Variants in SNUPN observed in about 807,000 individuals in gnomAD.
SNUPN encodes the protein snurportin-1.
In SNUPN, 31 loss-of-function variants were observed where a neutral mutation model predicts 39.2. The observed-to-expected ratio is 0.79, with a 90% confidence interval of 0.59 to 1.07. The LOEUF is 1.07. Among genes scored for constraint, SNUPN ranks in the 50% least tolerant of loss-of-function variants. The pLI is 0.00. For synonymous variants in SNUPN, 132 were observed against 159.0 expected, an observed-to-expected ratio of 0.83 and a Z score of 1.28; for missense variants, 382 against 434.2, an observed-to-expected ratio of 0.88 and a Z score of 1.07.
intron 3 of SNUPN, among the ~76,000 whole-genome samples, chr15:75,611,590 C>T (rs971148215): frequency 1.3e-5 from 2 of 151,750 alleles, no homozygotes; most frequent in South Asian, 2.1e-4. Flanking sequence ...GGAACGGTGG[C>T]TCACGCCTAT....
intron 3 of SNUPN, among the ~76,000 whole-genome samples, chr15:75,615,545 C>CTTCTCTGA (rs1892901106): frequency 6.6e-6 from 1 of 151,524 alleles, no homozygotes; most frequent in Non-Finnish European, 1.5e-5. Context: ...TTCATTAACC[C>CTTCTCTGA]TTCTCTGATT....
intron 7 of SNUPN, among the ~76,000 whole-genome samples, chr15:75,603,692 TG>T (rs1460188113): frequency 6.7e-6 from 1 of 148,708 alleles, no homozygotes; most frequent in Admixed American, 6.7e-5. Flanking sequence ...GCTCTCCAGC[TG>T]ATTTTAACAT....
At chr15:75,622,438 C>T (rs2141380300) in intron 1 of SNUPN, 1 of 985,360 alleles carries the variant, frequency 1.0e-6, no homozygotes, top group Non-Finnish European at 1.2e-6. Flanking sequence ...GGAAACAAGA[C>T]AGGCATGGAG....
chr15:75,623,996 C>T (rs1595990920), intron 1 of SNUPN, among the ~76,000 whole-genome samples: 1 of 140,712 alleles, frequency 7.1e-6, no homozygotes, highest in Non-Finnish European at 1.5e-5. Context: ...GGCGGGATCT[C>T]GGCTCACTGC....
rs1892979732 is a variant in SNUPN, at chr15:75,618,048, G to A, written c.159-496C>T. On this transcript the variant is annotated intron_variant, in intron 2 of 8. Transcript: ENST00000308588. ...CCGCCCCCTCAAAATCCTAAATAGC[G>A]AAACCCCCTCTGAATACACTCAGCC... Among the ~76,000 whole-genome samples, 4 of 152,068 alleles carry A rather than the reference G, an allele frequency of 2.6e-5. No individual in the cohort carries two copies. The South Asian group carries it at 8.3e-4, about 31-fold the overall frequency.
At chr15:75,611,863 CTT>C (rs1025912529) in intron 3 of SNUPN, among the ~76,000 whole-genome samples, 7 of 151,068 alleles carry the variant, frequency 4.6e-5, no homozygotes, top group Non-Finnish European at 7.4e-5. Flanking sequence ...CAAAAAAAAA[CTT>C]TTTGTCACTC....
chr15:75,609,088 G>A (rs930568194), intron 5 of SNUPN, among the ~76,000 whole-genome samples: 2 of 147,422 alleles, frequency 1.4e-5, no homozygotes, highest in Non-Finnish European at 3.0e-5. Context: ...CCAATATGGT[G>A]CCACTGCACT....
At chr15:75,600,370 G>A (rs985932558) in intron 8 of SNUPN, among the ~76,000 whole-genome samples, 3 of 151,838 alleles carry the variant, frequency 2.0e-5, no homozygotes, top group Non-Finnish European at 2.9e-5. Flanking sequence ...TGCCTCCCAA[G>A]TTCAAGTGAT....
At chr15:75,621,149 C>A in intron 1 of SNUPN, 93 bp from the exon 2 acceptor site, 1 of 1,276,680 alleles carries the variant, frequency 7.8e-7, no homozygotes, top group South Asian at 1.4e-5. Context: ...GGCCACATTC[C>A]TGAAAAAAAA....
intron 5 of SNUPN, among the ~76,000 whole-genome samples, chr15:75,607,895 G>A (rs1209077548): frequency 1.3e-5 from 2 of 152,186 alleles, no homozygotes; most frequent in African/African-American, 4.8e-5. Flanking sequence ...AAACAACAGG[G>A]CAGAGGGGAG....
chr15:75,601,766 C>G, intron 7 of SNUPN, among the ~76,000 whole-genome samples: 1 of 152,030 alleles, frequency 6.6e-6, no homozygotes, highest in East Asian at 1.9e-4. Context: ...CCAAACCAAA[C>G]TAAACCAAGC....
At chr15:75,618,710 C>T (rs1325088363) in intron 2 of SNUPN, among the ~76,000 whole-genome samples, 2 of 151,998 alleles carry the variant, frequency 1.3e-5, no homozygotes, top group Admixed American at 6.6e-5. Context: ...AGGCACACAC[C>T]AGAGAGAACA....
At chr15:75,619,284 G>T (rs1031133131) in intron 2 of SNUPN, among the ~76,000 whole-genome samples, 1 of 147,794 alleles carries the variant, frequency 6.8e-6, no homozygotes, top group East Asian at 2.0e-4. Flanking sequence ...GGGAGATAGA[G>T]TCAAAAAAAA....
At position 75,598,440 on chromosome 15, in the gene SNUPN, T is replaced by C; in HGVS notation, c.1001A>G (p.Tyr334Cys). The change falls in exon 9 of 9, where the codon TAT becomes TGT. Residue 334 changes from tyrosine (Y) to cysteine (C), a missense_variant. Transcript: ENST00000308588. ...GGGAGTAGACAGGTGCTCCAATTCA[T>C]AGTGCCCATTCTCAGAGGCCTTGTG... Reference protein sequence around the residue: ...LTHKASENGHYELEHLSTPKL... With the variant: ...LTHKASENGHCELEHLSTPKL... 2 of 1,614,216 alleles carry C rather than the reference T, an allele frequency of 1.2e-6. No homozygotes were observed. The highest frequency in any genetic ancestry group is 1.7e-5 in the Admixed American group (1 of 60,010).
intron 3 of SNUPN, among the ~76,000 whole-genome samples, chr15:75,615,561 C>T (rs888771536): frequency 2.6e-5 from 4 of 151,832 alleles, no homozygotes; most frequent in African/African-American, 9.7e-5. Context: ...TGATTTCACA[C>T]CCCCTCCTTC....
At chr15:75,623,379 G>A (rs528990891) in intron 1 of SNUPN, among the ~76,000 whole-genome samples, 170 of 151,594 alleles carry the variant, frequency 1.1e-3, no homozygotes, top group Non-Finnish European at 1.8e-3. Flanking sequence ...TCGATCTCCC[G>A]ACCTCCTGAT....
intron 8 of SNUPN, 199 bp downstream of exon 8, chr15:75,600,939 T>G (rs1464491188): frequency 2.0e-6 from 1 of 509,292 alleles, no homozygotes; most frequent in Non-Finnish European, 3.6e-6. Context: ...GCCCTTCCAG[T>G]GCCAGCATTC....
chr15:75,611,111 T>G (rs1368372683), intron 3 of SNUPN, among the ~76,000 whole-genome samples: 3 of 149,308 alleles, frequency 2.0e-5, no homozygotes, highest in Non-Finnish European at 4.4e-5. Flanking sequence ...CAGGTTGCAA[T>G]AAGCCAAGAT....
At chr15:75,621,151 G>A in intron 1 of SNUPN, 95 bp from the exon 2 acceptor site, 1 of 1,239,632 alleles carries the variant, frequency 8.1e-7, no homozygotes, top group Admixed American at 2.6e-5. Flanking sequence ...CCACATTCCT[G>A]AAAAAAAATT....
Sources: gnomAD v4.1 joint callset for allele counts (sites outside exome capture counted in the v4.1 genomes callset) on GRCh38, gnomAD v4.1.1 for gene constraint, MANE v1.5 for transcripts, NCBI Gene and HGNC (gene_info 2026-07-23, HGNC 2026-07-21) for gene names.